Variants in NIPBL observed in about 807,000 individuals in gnomAD.
NIPBL encodes NIPBL cohesin loading factor, also known as nipped-B-like protein.
In NIPBL, 19 loss-of-function variants were observed where a neutral mutation model predicts 321.8. The observed-to-expected ratio is 0.06, with a 90% CI of 0.04 to 0.09. The LOEUF is 0.09. NIPBL is among the 10% of genes least tolerant of loss of function. The pLI, the probability that NIPBL is intolerant of heterozygous loss-of-function variation, is 1.00. For synonymous variants in NIPBL, 1,106 were observed against 1,114.1 expected (o/e 0.99, Z 0.14); for missense variants, 2,210 against 3,327.0 (o/e 0.66, Z 8.26).
chr5:36,965,936 T>C (rs1275012827), intron 6 of NIPBL, among the ~76,000 whole-genome samples: 1 of 152,002 alleles, frequency 6.6e-6, no homozygotes, highest in Non-Finnish European at 1.5e-5. Flanking sequence ...TTTTCAACTT[T>C]ATATTACAAA....
At chr5:37,062,554 AAAAG>A (rs1057196794) in intron 45 of NIPBL, among the ~76,000 whole-genome samples, 19 of 152,198 alleles carry the variant, frequency 1.2e-4, no homozygotes, top group Admixed American at 3.3e-4. Context: ...ATTAAAAAAA[AAAAG>A]AAACAGCTCT....
At chr5:36,909,346 G>T (rs183202744) in intron 1 of NIPBL, among the ~76,000 whole-genome samples, 17 of 152,322 alleles carry the variant, frequency 1.1e-4, no homozygotes, top group Non-Finnish European at 2.2e-4. Context: ...AAAAGGATTA[G>T]AGTTCAGTGT....
At chr5:36,995,906 T>A in intron 11 of NIPBL, 102 bp downstream of exon 11, 1 of 968,688 alleles carries the variant, frequency 1.0e-6, no homozygotes. Flanking sequence ...CACAGTCACC[T>A]TAATTCTTAA....
chr5:36,975,639 G>A lies in NIPBL; in HGVS notation c.869-137G>A, dbSNP rs537439050. On this transcript the variant is annotated intron_variant, in intron 8 of 46. Transcript: ENST00000282516. ...TTTTTAAGCTTTCTTTTCATCTTTCGTAAATAAGTAGCTTGGATTATATAA... is the reference window on the plus strand; with the variant it reads ...TTTTTAAGCTTTCTTTTCATCTTTCATAAATAAGTAGCTTGGATTATATAA... The A allele has an allele frequency of 3.3e-4, 279 of 844,964 alleles. No homozygotes were observed. The highest frequency in any genetic ancestry group is 1.0e-3 in the Middle Eastern group (4 of 3,920). The allele number at this position is 844,964 out of a possible 1,614,324, so 52.3% of individuals were successfully genotyped here. A position where few individuals can be genotyped will look rare whatever the true frequency, so the allele number is the denominator to read the frequency against.
chr5:36,980,609 A>G (rs1744030031), intron 9 of NIPBL, among the ~76,000 whole-genome samples: 1 of 151,620 alleles, frequency 6.6e-6, no homozygotes, highest in Non-Finnish European at 1.5e-5. Context: ...AACATGCTGT[A>G]CAGGTTTATA....
chr5:36,974,031 G>A (rs750857497), intron 8 of NIPBL, among the ~76,000 whole-genome samples: 7 of 152,120 alleles, frequency 4.6e-5, no homozygotes, highest in Non-Finnish European at 1.0e-4. Flanking sequence ...ATAAAAACCC[G>A]GCTTCTGAAA....
chr5:36,883,627 G>C (rs532622203), intron 1 of NIPBL, among the ~76,000 whole-genome samples: 2 of 151,756 alleles, frequency 1.3e-5, no homozygotes, highest in Non-Finnish European at 2.9e-5. Flanking sequence ...ATTTAATTTG[G>C]TATTTGTAAA....
At chr5:37,039,271 A>C (rs1337502086) in intron 34 of NIPBL, among the ~76,000 whole-genome samples, 1 of 150,986 alleles carries the variant, frequency 6.6e-6, no homozygotes. Flanking sequence ...TATATTTTTC[A>C]TACAGTCTTT....
rs1208757949 is a variant in NIPBL, at chr5:37,051,565, A to C, written c.6955-214A>C. The C allele has an allele frequency of 2.1e-5, 12 of 572,984 alleles. No homozygotes were observed. In the East Asian group the frequency reaches 3.2e-4, roughly 15 times the overall value. 35.5% of individuals were successfully genotyped at this position (572,984 alleles called of 1,614,324 possible). ...ACAATGAAATTGTTTAAATTTTATC[A>C]CGTCAGTATTTTTGCTGGTGCTCCA... On this transcript the variant is annotated intron_variant, in intron 40 of 46. Transcript: ENST00000282516.
intron 9 of NIPBL, among the ~76,000 whole-genome samples, 181 bp downstream of exon 9, chr5:36,976,583 G>T (rs896536767): frequency 4.0e-5 from 6 of 151,642 alleles, no homozygotes; most frequent in African/African-American, 1.2e-4. Context: ...TTCATTTATT[G>T]TCTGAAACAA....
In NIPBL at chr5:37,049,312, T is replaced by G; in HGVS notation, c.6954+11T>G. On this transcript the variant is annotated intron_variant, in intron 40 of 46. Coordinates refer to ENST00000282516, the MANE Select transcript of NIPBL (RefSeq NM_133433.4). ...ATTCATCCAGTTCAGGTAAGCATGT[T>G]TTATGGCAGCAGCACTTACTAAAAG... 4 of 1,613,726 alleles carry G rather than the reference T, an allele frequency of 2.5e-6. No homozygotes were observed. The highest frequency in any genetic ancestry group is 3.4e-6 in the Non-Finnish European group (4 of 1,179,712).
chr5:36,910,073 TAA>T (rs536210925), intron 1 of NIPBL, among the ~76,000 whole-genome samples: 16 of 135,956 alleles, frequency 1.2e-4, no homozygotes, highest in South Asian at 2.3e-4. Flanking sequence ...AGACTCAGTC[TAA>T]AAAAAAAAAA....
At chr5:37,003,918 T>A (rs1747115542) in intron 16 of NIPBL, among the ~76,000 whole-genome samples, 1 of 152,242 alleles carries the variant, frequency 6.6e-6, no homozygotes, top group Non-Finnish European at 1.5e-5. Flanking sequence ...TATGTAAGTA[T>A]ATGAATGTTT....
chr5:36,942,816 T>C (rs1281174643), intron 1 of NIPBL, among the ~76,000 whole-genome samples: 1 of 152,066 alleles, frequency 6.6e-6, no homozygotes, highest in Non-Finnish European at 1.5e-5. Flanking sequence ...TATTTAGTGG[T>C]TATATTTGGT....
chr5:37,044,627 A>G lies in NIPBL; in HGVS notation c.6250-9A>G, dbSNP rs1752790373. ...TAACTTTTATCTAAACATTTTCTAT[A>G]TCTTTTAGGTAGTGCAACATTGTGT... On this transcript the variant is annotated splice_polypyrimidine_tract_variant and intron_variant, in intron 35 of 46. Coordinates refer to ENST00000282516, the MANE Select transcript of NIPBL (RefSeq NM_133433.4). The G allele has an allele frequency of 5.0e-6, 8 of 1,609,778 alleles. No individual in the cohort carries two copies. Among genetic ancestry groups the G allele is most frequent in the Non-Finnish European group, 6.8e-6 (8 of 1,176,928 alleles).
At chr5:36,878,689 T>C (rs867155760) in intron 1 of NIPBL, among the ~76,000 whole-genome samples, 1 of 152,230 alleles carries the variant, frequency 6.6e-6, no homozygotes. Context: ...TTACAATAAA[T>C]TGTTTCACAT....
intron 1 of NIPBL, among the ~76,000 whole-genome samples, chr5:36,903,792 T>C (rs200135396): frequency 6.6e-6 from 1 of 152,176 alleles, no homozygotes; most frequent in Non-Finnish European, 1.5e-5. Flanking sequence ...AATATTAATA[T>C]TTGAGGAGAT....
chr5:37,058,900 A>G lies in NIPBL; in HGVS notation c.7420A>G (p.Lys2474Glu). Residue 2474 changes from lysine (K) to glutamate (E), a missense_variant, in exon 44 of 47, where the codon AAG becomes GAG. By Grantham distance (56) the Lys-to-Glu change is moderately conservative (BLOSUM62 1). Transcript: ENST00000282516. ...CGATTTTTTCTTTCAGTCTATGGTA[A>G]AGGACAAAAGGAAAGAGAGAAAATC... ...LLQSFKESMVKDKRKERKSSP... is the reference protein window; with the variant it reads ...LLQSFKESMVEDKRKERKSSP... The G allele has an allele frequency of 1.2e-6, 2 of 1,614,038 alleles. No homozygotes were observed. Among genetic ancestry groups the G allele is most frequent in the South Asian group, 1.1e-5 (1 of 91,058 alleles).
intron 6 of NIPBL, among the ~76,000 whole-genome samples, chr5:36,965,292 G>A (rs1410063648): frequency 6.6e-6 from 1 of 152,052 alleles, no homozygotes; most frequent in Non-Finnish European, 1.5e-5. Flanking sequence ...CCCATCAGTG[G>A]ATGAATAGAG....
Sources: allele counts gnomAD v4.1 joint callset (sites outside exome capture counted in the v4.1 genomes callset), GRCh38; gene constraint gnomAD v4.1.1; transcripts MANE v1.5; gene names NCBI Gene and HGNC (gene_info 2026-07-23, HGNC 2026-07-21).